The following TMTC2 variants were observed in gnomAD, a reference collection of about 807,000 sequenced individuals.
The protein encoded by TMTC2 is protein O-mannosyl-transferase TMTC2.
TMTC2 carries 43 observed loss-of-function variants against 82.4 expected under a neutral mutation model. That is an observed-to-expected ratio of 0.52 (90% CI 0.41 to 0.67). The LOEUF is 0.67. Ranked by LOEUF, TMTC2 falls within the 30% of genes least tolerant of loss-of-function variation. The probability of loss-of-function intolerance (pLI) is 0.00; values close to 1 mark genes in which losing one functional copy is unlikely to be tolerated. For missense variants in TMTC2, 919 were observed against 1,012.4 expected, an observed-to-expected ratio of 0.91 and a Z score of 1.25; for synonymous variants, 408 against 381.9, an observed-to-expected ratio of 1.07 and a Z score of -0.80.
rs569573560 is a variant in TMTC2, at chr12:83,047,318, A to G, written c.2153-3586A>G. Among the ~76,000 whole-genome samples, 33 of 152,350 alleles carry G rather than the reference A, an allele frequency of 2.2e-4. No homozygotes were observed. In the East Asian group the frequency reaches 6.4e-3, roughly 29 times the overall value. On this transcript the variant is annotated intron_variant, in intron 9 of 11. Transcript: ENST00000321196. ...ACATATCACTTTAGGTTCTTTGAGTAGTTCTTAGGAAGAAACCTACTATTC... is the reference window on the plus strand; with the variant it reads ...ACATATCACTTTAGGTTCTTTGAGTGGTTCTTAGGAAGAAACCTACTATTC...
Position 82,738,918 on chromosome 12 carries a change from T to C in TMTC2, c.83+51249T>C, listed in dbSNP as rs149007193. ...ATCCCAGCACTTTGGGAGGCCAAGG[T>C]AGGTGGATCACTTGAGGTCAGGAGT... On this transcript the variant is annotated intron_variant, in intron 1 of 11. Coordinates refer to ENST00000321196, the MANE Select transcript of TMTC2 (RefSeq NM_152588.3). Among the ~76,000 whole-genome samples, 943 of 152,014 alleles carry C rather than the reference T, an allele frequency of 6.2e-3. 11 individuals carry two copies. The highest frequency in any genetic ancestry group is 0.022 in the African/African-American group (897 of 41,432).
At chr12:83,088,757 T>C (rs1883745676) in intron 11 of TMTC2, among the ~76,000 whole-genome samples, 1 of 152,078 alleles carries the variant, frequency 6.6e-6, no homozygotes, top group Admixed American at 6.5e-5. Flanking sequence ...GATATAGTAA[T>C]AATAAAAGCA....
At chr12:82,747,809 TATG>T (rs901031705) in intron 1 of TMTC2, among the ~76,000 whole-genome samples, 1 of 152,200 alleles carries the variant, frequency 6.6e-6, no homozygotes, top group African/African-American at 2.4e-5. Context: ...GGAGGATTAA[TATG>T]ATATTGTTTC....
chr12:82,876,390 T>C (rs1872582283), intron 2 of TMTC2, among the ~76,000 whole-genome samples: 1 of 152,180 alleles, frequency 6.6e-6, no homozygotes, highest in Admixed American at 6.5e-5. Flanking sequence ...ATATTTCAGC[T>C]GAGAGATAAT....
intron 1 of TMTC2, among the ~76,000 whole-genome samples, chr12:82,851,512 G>A (rs114066253): frequency 0.015 from 2,329 of 152,226 alleles, 51 homozygotes; most frequent in African/African-American, 0.054. Context: ...GATCCTATAA[G>A]GCAAGTATAG....
At chr12:83,061,874 T>A in intron 11 of TMTC2, 43 bp downstream of exon 11, 1 of 1,445,774 alleles carries the variant, frequency 6.9e-7, no homozygotes, top group Non-Finnish European at 9.4e-7. Flanking sequence ...AGGGATAGAC[T>A]CCAAGCATAT....
chr12:82,950,730 A>C (rs1877300628), intron 4 of TMTC2, among the ~76,000 whole-genome samples: 1 of 152,208 alleles, frequency 6.6e-6, no homozygotes, highest in Admixed American at 6.5e-5. Context: ...AAGACTTCAC[A>C]AACTTTTAAA....
chr12:82,791,933 G>A (rs574121629), intron 1 of TMTC2, among the ~76,000 whole-genome samples: 7 of 152,194 alleles, frequency 4.6e-5, no homozygotes, highest in South Asian at 2.1e-4. Flanking sequence ...AACTGTTACC[G>A]TTCTAAGCTT....
intron 4 of TMTC2, among the ~76,000 whole-genome samples, chr12:82,936,815 G>C (rs920522870): frequency 6.6e-6 from 1 of 152,110 alleles, no homozygotes; most frequent in African/African-American, 2.4e-5. Flanking sequence ...TTAATATTCA[G>C]CTTCTTGGGG....
In TMTC2 at chr12:82,832,049, C is replaced by T. The variant is rs567054544; in HGVS notation, c.84-24961C>T. On this transcript the variant is annotated intron_variant, in intron 1 of 11. Transcript: ENST00000321196. The stretch of plus-strand genomic sequence containing the variant: ...TTGATAGAAAGTGGGTTATACAGAA[C>T]GTTTTATCTGTGAAATAGCCAACCA... Among the ~76,000 whole-genome samples, 4 of 152,246 alleles carry T rather than the reference C, an allele frequency of 2.6e-5. No homozygotes were observed. The East Asian group carries it at 7.7e-4, about 29-fold the overall frequency.
chr12:82,873,210 ATGT>A (rs1565787353), intron 2 of TMTC2, among the ~76,000 whole-genome samples: 2 of 116,194 alleles, frequency 1.7e-5, no homozygotes, highest in Non-Finnish European at 1.6e-5. Flanking sequence ...TGTTTCAAAG[ATGT>A]TGTGTGTGTG....
chr12:82,966,580 A>G (rs1878219649), intron 6 of TMTC2, among the ~76,000 whole-genome samples: 1 of 152,176 alleles, frequency 6.6e-6, no homozygotes, highest in African/African-American at 2.4e-5. Context: ...TGCACTTTAG[A>G]TGACTAATGG....
chr12:82,753,948 G>A (rs1218979890), intron 1 of TMTC2, among the ~76,000 whole-genome samples: 1 of 152,158 alleles, frequency 6.6e-6, no homozygotes, highest in East Asian at 1.9e-4. Context: ...AGTCTTAGTA[G>A]GTCACGTTTT....
chr12:83,034,367 A>G (rs1464240355), intron 9 of TMTC2, among the ~76,000 whole-genome samples: 1 of 151,570 alleles, frequency 6.6e-6, no homozygotes, highest in South Asian at 2.1e-4. Context: ...CACAGCAGAG[A>G]AAAAAAAACC....
In TMTC2 at chr12:82,959,544, G is replaced by A. The variant is rs146151879; in HGVS notation, c.1599-5480G>A. Among the ~76,000 whole-genome samples, 1,063 of 152,092 alleles carry A rather than the reference G, an allele frequency of 7.0e-3. 46 individuals are homozygous for A. The highest frequency in any genetic ancestry group is 2.1e-3 in the Non-Finnish European group (140 of 67,968). On this transcript the variant is annotated intron_variant, in intron 4 of 11. Transcript: ENST00000321196. The stretch of plus-strand genomic sequence containing the variant: ...TCACATCTACAGCTATCTGACCTTC[G>A]ACAAATTTGACCAAAGTAAGCAATG...
intron 1 of TMTC2, among the ~76,000 whole-genome samples, chr12:82,701,824 T>C (rs1314047700): frequency 6.6e-6 from 1 of 152,012 alleles, no homozygotes; most frequent in Non-Finnish European, 1.5e-5. Flanking sequence ...TTTACATATT[T>C]AACATTTTTC....
At chr12:82,694,498 A>G (rs1331672818) in intron 1 of TMTC2, among the ~76,000 whole-genome samples, 1 of 152,226 alleles carries the variant, frequency 6.6e-6, no homozygotes, top group Non-Finnish European at 1.5e-5. Context: ...CTATTTGCTT[A>G]TGATGATTCG....
chr12:82,986,630 T>C (rs1879166393), intron 8 of TMTC2: 1 of 152,510 alleles, frequency 6.6e-6, no homozygotes, highest in African/African-American at 2.4e-5. Flanking sequence ...TAAAATTCTG[T>C]GTGCTGAAAT....
chr12:83,013,446 C>T (rs1478416251), intron 8 of TMTC2, among the ~76,000 whole-genome samples: 1 of 152,164 alleles, frequency 6.6e-6, no homozygotes, highest in Non-Finnish European at 1.5e-5. Flanking sequence ...GCTAGCAATA[C>T]TTAAAACTGC....
Sources: gnomAD v4.1 joint callset for allele counts (sites outside exome capture counted in the v4.1 genomes callset) on GRCh38, gnomAD v4.1.1 for gene constraint, MANE v1.5 for transcripts, NCBI Gene and HGNC (gene_info 2026-07-23, HGNC 2026-07-21) for gene names.